Variants in PLCXD2 observed in about 807,000 individuals in gnomAD.
The protein encoded by PLCXD2 is phosphatidylinositol specific phospholipase C X domain containing 2.
PLCXD2 carries 21 observed loss-of-function variants against 28.6 expected under a neutral mutation model. The observed-to-expected ratio is 0.73, with a 90% CI of 0.52 to 1.06. The LOEUF is 1.06. Among genes scored for constraint, PLCXD2 ranks in the 50% least tolerant of loss-of-function variants. The pLI, the probability that PLCXD2 is intolerant of heterozygous loss-of-function variation, is 0.00. For missense variants in PLCXD2, 369 were observed against 376.7 expected (o/e 0.98, Z 0.17); for synonymous variants, 140 against 150.1 (o/e 0.93, Z 0.49).
rs1941335125 is a variant in PLCXD2 at position 111,720,712 on chromosome 3, C to G, written c.866+6584C>G. On this transcript the variant is annotated intron_variant, in intron 3 of 4. Transcript: ENST00000477665. The stretch of plus-strand genomic sequence containing the variant: ...ATCCACTCTCTTCCTCCAACACTTT[C>G]CTCTGTATAGGAATCTTCCTGCCAT... 2.4e-6 allele frequency: 1 copy of G among 416,830 alleles called. No homozygotes were observed. 25.8% of individuals were successfully genotyped at this position (416,830 alleles called of 1,614,324 possible).
rs1221440333 is a variant in PLCXD2 at position 111,708,393 on chromosome 3, G to T, written c.624+7G>T. 12 of 1,608,906 alleles carry T rather than the reference G, an allele frequency of 7.5e-6. No individual in the cohort carries two copies. The highest frequency in any genetic ancestry group is 1.0e-5 in the Non-Finnish European group (12 of 1,177,168). On this transcript the variant is annotated splice_region_variant and intron_variant, in intron 2 of 4. Coordinates refer to ENST00000477665, the MANE Select transcript of PLCXD2 (RefSeq NM_001185106.1). ...GTGGGAGAAGAACTGCCAGGTAGGAGGGAAGGAGAGATAAGCTTCCAAGAG... is the reference window on the plus strand; with the variant it reads ...GTGGGAGAAGAACTGCCAGGTAGGATGGAAGGAGAGATAAGCTTCCAAGAG...
intron 1 of PLCXD2, among the ~76,000 whole-genome samples, chr3:111,690,266 C>T (rs1576455566): frequency 1.3e-5 from 2 of 152,294 alleles, no homozygotes; most frequent in East Asian, 3.9e-4. Context: ...ATTTTCTTTT[C>T]ATCTGAGGCC....
At chr3:111,690,898 A>G (rs571429712) in intron 1 of PLCXD2, among the ~76,000 whole-genome samples, 69 of 152,348 alleles carry the variant, frequency 4.5e-4, no homozygotes, top group Non-Finnish European at 1.8e-4. Flanking sequence ...CAAAGTCCCA[A>G]TGATAAATTC....
chr3:111,685,810 A>G (rs558674479), intron 1 of PLCXD2, among the ~76,000 whole-genome samples: 2 of 152,358 alleles, frequency 1.3e-5, no homozygotes, highest in Middle Eastern at 3.4e-3. Flanking sequence ...ATTATCTACA[A>G]TGTCTTATTT....
chr3:111,723,037 T>C (rs1941366921), intron 3 of PLCXD2: 1 of 152,172 alleles, frequency 6.6e-6, no homozygotes, highest in African/African-American at 2.4e-5. Flanking sequence ...TTCCTTCAAT[T>C]CTGATGCTAA....
intron 3 of PLCXD2, among the ~76,000 whole-genome samples, chr3:111,717,707 C>G (rs1284642325): frequency 6.6e-6 from 1 of 152,180 alleles, no homozygotes; most frequent in Admixed American, 6.5e-5. Context: ...GCTCATTTCC[C>G]TGTAATGACC....
At chr3:111,693,501 C>A (rs968480085) in intron 1 of PLCXD2, among the ~76,000 whole-genome samples, 8 of 152,180 alleles carry the variant, frequency 5.3e-5, no homozygotes, top group African/African-American at 1.9e-4. Context: ...CCTTGCAAGT[C>A]ACCTATTTGT....
At chr3:111,719,588 G>A (rs1367279050) in intron 3 of PLCXD2, among the ~76,000 whole-genome samples, 1 of 152,192 alleles carries the variant, frequency 6.6e-6, no homozygotes, top group Non-Finnish European at 1.5e-5. Flanking sequence ...ACTGATACAT[G>A]CAGCAACGTG....
rs186510844 is a variant in PLCXD2 at position 111,702,840 on chromosome 3, A to G, written c.164-5086A>G. On this transcript the variant is annotated intron_variant, in intron 1 of 4. Transcript: ENST00000477665. ...GAATAAAATAATTTCCATGAGTTGT[A>G]GGGGAGTAATAAGGGAACAAACTTT... Among the ~76,000 whole-genome samples, 29 of 152,338 alleles carry G rather than the reference A, an allele frequency of 1.9e-4. No homozygotes were observed. The East Asian group carries it at 4.8e-3, about 25-fold the overall frequency.
intron 1 of PLCXD2, 33 bp downstream of exon 1, chr3:111,675,441 T>C (rs1940607293): frequency 6.2e-7 from 1 of 1,611,770 alleles, no homozygotes; most frequent in Non-Finnish European, 8.5e-7. Context: ...TCCCACTGTG[T>C]TTAATTCTGC....
rs1340969201 is a variant in PLCXD2 at position 111,675,083 on chromosome 3, A to G, written c.-163A>G. The G allele has an allele frequency of 2.8e-6, 2 of 707,816 alleles. No individual in the cohort carries two copies. The highest frequency in any genetic ancestry group is 3.6e-5 in the African/African-American group (2 of 55,994). The allele number at this position is 707,816 out of a possible 1,614,324, so 43.8% of individuals were successfully genotyped here. A position where few individuals can be genotyped will look rare whatever the true frequency, so the allele number is the denominator to read the frequency against. ...GGAGAGAGTGGGGACTGTGAGTGCT[A>G]GTGGGTAAGGATCCATCTGTTTGCC... On this transcript the variant is annotated 5_prime_UTR_variant, in exon 1 of 5. Transcript: ENST00000477665.
intron 2 of PLCXD2, among the ~76,000 whole-genome samples, chr3:111,708,860 G>C (rs994139677): frequency 6.6e-6 from 1 of 152,112 alleles, no homozygotes; most frequent in African/African-American, 2.4e-5. Context: ...TATTATAAAA[G>C]TATTTGGGTC....
chr3:111,699,457 T>C (rs1270389352), intron 1 of PLCXD2, among the ~76,000 whole-genome samples: 2 of 152,168 alleles, frequency 1.3e-5, no homozygotes, highest in Admixed American at 6.5e-5. Context: ...ATGCACTCAT[T>C]TGAGATCTCT....
chr3:111,713,840 C>T (rs1941232219), intron 2 of PLCXD2, 47 bp from the exon 3 acceptor site: 1 of 1,586,154 alleles, frequency 6.3e-7, no homozygotes, highest in Non-Finnish European at 8.6e-7. Context: ...AGTTAACATT[C>T]AGCATTTTTA....
intron 2 of PLCXD2, among the ~76,000 whole-genome samples, chr3:111,710,823 TG>T (rs1941190258): frequency 6.6e-6 from 1 of 152,166 alleles, no homozygotes; most frequent in Non-Finnish European, 1.5e-5. Context: ...AGGATTGAGA[TG>T]GGTTGACATA....
At position 111,708,346 on chromosome 3, in the gene PLCXD2, A is replaced by G. The variant is rs1358515612; in HGVS notation, c.584A>G (p.Glu195Gly). Reference sequence around the variant, plus strand: ...AAGCTGTGCCCAGCCTGCAGTGTGGAAAGTTTGACGCTGCGAACTCTGTGG... The same window carrying G: ...AAGCTGTGCCCAGCCTGCAGTGTGGGAAGTTTGACGCTGCGAACTCTGTGG... Residue 195 changes from glutamate to glycine, a missense_variant, in exon 2 of 5, where the codon GAA becomes GGA. Physicochemically the swap from Glu to Gly is moderately conservative, Grantham distance 98. Coordinates refer to ENST00000477665, the MANE Select transcript of PLCXD2 (RefSeq NM_001185106.1). The G allele has an allele frequency of 1.2e-6, 2 of 1,613,982 alleles. No homozygotes were observed. Among genetic ancestry groups the G allele is most frequent in the African/African-American group, 2.7e-5 (2 of 74,916 alleles).
At chr3:111,718,495 AG>A (rs1941302608) in intron 3 of PLCXD2, among the ~76,000 whole-genome samples, 1 of 101,450 alleles carries the variant, frequency 9.9e-6, no homozygotes, top group Admixed American at 1.0e-4. Context: ...GATAGATGAT[AG>A]ATAGATAGAT....
At chr3:111,709,953 A>G (rs1054086203) in intron 2 of PLCXD2, among the ~76,000 whole-genome samples, 1 of 152,214 alleles carries the variant, frequency 6.6e-6, no homozygotes, top group African/African-American at 2.4e-5. Flanking sequence ...GGGATTGGGC[A>G]GAAGTAAGGA....
At chr3:111,690,138 A>AT (rs1940853204) in intron 1 of PLCXD2, among the ~76,000 whole-genome samples, 1 of 151,732 alleles carries the variant, frequency 6.6e-6, no homozygotes, top group Admixed American at 6.6e-5. Context: ...GAATTGTAAA[A>AT]ATTAGGTCAT....
Sources: gnomAD v4.1 joint callset for allele counts (sites outside exome capture counted in the v4.1 genomes callset) on GRCh38, gnomAD v4.1.1 for gene constraint, MANE v1.5 for transcripts, NCBI Gene and HGNC (gene_info 2026-07-23, HGNC 2026-07-21) for gene names.